The following USF3 variants were observed in gnomAD, a reference collection of about 807,000 sequenced individuals.
The protein encoded by USF3 is basic helix-loop-helix domain-containing protein USF3.
USF3 carries 29 observed loss-of-function variants against 157.5 expected under a neutral mutation model. The ratio of observed to expected loss-of-function variants is 0.18; its 90% CI spans 0.14 to 0.25. USF3 has a LOEUF of 0.25. USF3 is among the 10% of genes least tolerant of loss of function. The pLI is 1.00. For missense variants in USF3, 2,381 were observed against 2,667.6 expected, an observed-to-expected ratio of 0.89 and a Z score of 2.37; for synonymous variants, 893 against 941.4, an observed-to-expected ratio of 0.95 and a Z score of 0.94.
At chr3:113,680,060 T>TC (rs1707375785) in intron 1 of USF3, among the ~76,000 whole-genome samples, 2 of 144,120 alleles carry the variant, frequency 1.4e-5, no homozygotes, top group Admixed American at 1.4e-4. Flanking sequence ...TTTCTTTTTT[T>TC]TTTTTTTTTT....
chr3:113,692,231 A>G (rs1373613034), intron 1 of USF3, among the ~76,000 whole-genome samples: 1 of 152,190 alleles, frequency 6.6e-6, no homozygotes. Context: ...ACCCTTCTTC[A>G]TACTCCCAAA....
rs374838379 is a variant in USF3, at chr3:113,648,854, A to G, written c.*6090T>C. ...GTGAAGGTAATTATGTTCTCCTCAGATTTTTCAACTTTTTTTTACCAAAGT... is the reference window on the plus strand; with the variant it reads ...GTGAAGGTAATTATGTTCTCCTCAGGTTTTTCAACTTTTTTTTACCAAAGT... On this transcript the variant is annotated 3_prime_UTR_variant, in exon 7 of 7. Coordinates refer to ENST00000316407, the MANE Select transcript of USF3 (RefSeq NM_001009899.4). The G allele has an allele frequency of 8.5e-5, 13 of 152,442 alleles. No homozygotes were observed. In the East Asian group the frequency reaches 9.6e-4, roughly 11 times the overall value. The allele number at this position is 152,442 out of a possible 1,614,324, so 9.4% of individuals were successfully genotyped here.
chr3:113,682,714 T>C (rs1456268782), intron 1 of USF3, among the ~76,000 whole-genome samples: 1 of 152,208 alleles, frequency 6.6e-6, no homozygotes, highest in Admixed American at 6.5e-5. Flanking sequence ...TATATAATGA[T>C]GTTGTCTTTT....
intron 5 of USF3, 129 bp downstream of exon 5, chr3:113,669,992 C>T: frequency 1.6e-6 from 1 of 619,168 alleles, no homozygotes; most frequent in Non-Finnish European, 2.9e-6. Flanking sequence ...TAAAACAAGG[C>T]AATTATTAAC....
Position 113,648,428 on chromosome 3 carries a change from C to T in USF3, c.*6516G>A, listed in dbSNP as rs1947202935. 1 of 152,568 alleles carries T rather than the reference C, an allele frequency of 6.6e-6. No individual in the cohort carries two copies. The highest frequency in any genetic ancestry group is 1.5e-5 in the Non-Finnish European group (1 of 68,018). 9.5% of individuals were successfully genotyped at this position (152,568 alleles called of 1,614,324 possible). A position where few individuals can be genotyped will look rare whatever the true frequency, so the allele number is the denominator to read the frequency against. The stretch of plus-strand genomic sequence containing the variant: ...AAAGTTTATTTTCTTAAATAAAATA[C>T]TATATTCATATCTATACAAATAATT... On this transcript the variant is annotated 3_prime_UTR_variant, in exon 7 of 7. Transcript: ENST00000316407.
In USF3 at chr3:113,659,875, G is replaced by C. The variant is rs199640873; in HGVS notation, c.1807C>G (p.Arg603Gly). Residue 603 changes from arginine to glycine, a missense_variant, in exon 7 of 7, where the codon CGA becomes GGA. By Grantham distance (125) the Arg-to-Gly change is moderately radical. Transcript: ENST00000316407. ...LLPAPPPGSV[R>G]LPINGANTVI... is the part of the protein sequence containing the mutation. The stretch of plus-strand genomic sequence containing the variant: ...GTATTGGCTCCATTGATGGGGAGTC[G>C]AACAGAACCAGGAGGTGGAGCAGGG... 47 of 1,614,032 alleles carry C rather than the reference G, an allele frequency of 2.9e-5. No homozygotes were observed. Among genetic ancestry groups the C allele is most frequent in the Non-Finnish European group, 1.2e-5 (14 of 1,180,030 alleles).
intron 5 of USF3, among the ~76,000 whole-genome samples, chr3:113,669,314 T>C (rs1265400061): frequency 7.1e-6 from 1 of 140,578 alleles, no homozygotes; most frequent in Non-Finnish European, 1.6e-5. Flanking sequence ...AATATAACAG[T>C]AAAAAAAAAA....
intron 1 of USF3, among the ~76,000 whole-genome samples, chr3:113,693,537 T>C (rs1435774287): frequency 6.6e-6 from 1 of 152,204 alleles, no homozygotes; most frequent in African/African-American, 2.4e-5. Flanking sequence ...ATACCTAAGA[T>C]GAAATCAAAC....
At chr3:113,680,849 CATTTCA>C (rs1707404308) in intron 1 of USF3, among the ~76,000 whole-genome samples, 2 of 147,932 alleles carry the variant, frequency 1.4e-5, no homozygotes, top group Non-Finnish European at 3.0e-5. Context: ...TTTTTGTTTT[CATTTCA>C]ATTTCATTTA....
chr3:113,656,978 T>A lies in USF3; in HGVS notation c.4704A>T (p.Gln1568His). The change falls in exon 7 of 7, where the codon CAA becomes CAT. Residue 1568 changes from glutamine (Q) to histidine (H), a missense_variant. Physicochemically the swap from Gln to His is conservative, Grantham distance 24. Transcript: ENST00000316407. The stretch of plus-strand genomic sequence containing the variant: ...TCTCTGTCTGGGAGCTTCCAAAGTG[T>A]TGCTGCATTTGTTGCTGCATCTGCT... ...HHQQMQQQMQ[Q>H]HFGSSQTEKS... 6.2e-7 allele frequency: 1 copy of A among 1,614,216 alleles called. No individual in the cohort carries two copies. The highest frequency in any genetic ancestry group is 2.2e-5 in the East Asian group (1 of 44,886).
intron 5 of USF3, 36 bp from the exon 6 acceptor site, chr3:113,664,445 C>G: frequency 1.7e-6 from 2 of 1,190,380 alleles, no homozygotes; most frequent in Non-Finnish European, 2.4e-6. Context: ...ACAAGTTTCA[C>G]TGAAGGGTAA....
intron 1 of USF3, among the ~76,000 whole-genome samples, chr3:113,690,601 ATCCCTGTGCGCCTT>A (rs1347076703): frequency 2.0e-5 from 3 of 152,166 alleles, no homozygotes; most frequent in African/African-American, 7.2e-5. Context: ...AGACAGGTTT[ATCCCTGTGCGCCTT>A]ATCAGCTACT....
intron 4 of USF3, among the ~76,000 whole-genome samples, chr3:113,670,724 G>C (rs1371908227): frequency 6.6e-6 from 1 of 152,122 alleles, no homozygotes; most frequent in African/African-American, 2.4e-5. Flanking sequence ...TAAATCTAGT[G>C]TTACAGCAAT....
intron 1 of USF3, among the ~76,000 whole-genome samples, chr3:113,681,221 TG>T (rs987639717): frequency 4.6e-5 from 7 of 151,422 alleles, no homozygotes; most frequent in African/African-American, 1.7e-4. Context: ...CCAGGTGATC[TG>T]CCCGCCTCAA....
In USF3 at chr3:113,660,440, C is replaced by T; in HGVS notation, c.1242G>A (p.Leu414=). Residue 414 remains leucine, a synonymous_variant, in exon 7 of 7, where the codon TTG becomes TTA. Coordinates refer to ENST00000316407, the MANE Select transcript of USF3 (RefSeq NM_001009899.4). ...TTCGTGTAAGGCTATTAATGTTTTT[C>T]AAATCTGAAGTACTAACACTTGAAG... The part of the protein sequence containing the change: ...LPSSSVSTSD[L]KNINSLTRIS... 1 of 1,614,150 alleles carries T rather than the reference C, an allele frequency of 6.2e-7. No homozygotes were observed. The highest frequency in any genetic ancestry group is 8.5e-7 in the Non-Finnish European group (1 of 1,180,030).
intron 1 of USF3, among the ~76,000 whole-genome samples, chr3:113,680,665 C>A (rs1228684662): frequency 6.6e-6 from 1 of 151,994 alleles, no homozygotes; most frequent in African/African-American, 2.4e-5. Context: ...TATAAAAATT[C>A]ACCGGGTGTG....
chr3:113,692,215 C>A (rs1295903290), intron 1 of USF3, among the ~76,000 whole-genome samples: 2 of 152,152 alleles, frequency 1.3e-5, no homozygotes. Flanking sequence ...AGAGGTTAGA[C>A]TAAATACCCT....
At chr3:113,665,684 C>T (rs1282858987) in intron 5 of USF3, among the ~76,000 whole-genome samples, 3 of 151,794 alleles carry the variant, frequency 2.0e-5, no homozygotes, top group African/African-American at 7.3e-5. Flanking sequence ...AAAAATTAGC[C>T]AGGCATGGTG....
intron 1 of USF3, among the ~76,000 whole-genome samples, chr3:113,685,854 A>T (rs543497324): frequency 6.6e-6 from 1 of 152,232 alleles, no homozygotes; most frequent in Non-Finnish European, 1.5e-5. Context: ...ATGGTCTAGA[A>T]TGGGGGCTTT....
Sources: allele counts gnomAD v4.1 joint callset (sites outside exome capture counted in the v4.1 genomes callset), GRCh38; gene constraint gnomAD v4.1.1; transcripts MANE v1.5; gene names NCBI Gene and HGNC (gene_info 2026-07-23, HGNC 2026-07-21).